The following MS4A10 variants were observed in gnomAD, a reference collection of about 807,000 sequenced individuals.
MS4A10 encodes membrane-spanning 4-domains subfamily A member 10.
Under a neutral mutation model 27.7 loss-of-function variants are expected in MS4A10, and 27 were observed. The ratio of observed to expected loss-of-function variants is 0.98; its 90% CI spans 0.72 to 1.35. MS4A10 has a LOEUF of 1.35. Ranked by LOEUF, MS4A10 falls within the 40% of genes most tolerant of loss-of-function variation. The pLI, the probability that MS4A10 is intolerant of heterozygous loss-of-function variation, is 0.00. For missense variants in MS4A10, 338 were observed against 324.7 expected (o/e 1.04, Z -0.32); for synonymous variants, 139 against 131.2 (o/e 1.06, Z -0.41).
intron 5 of MS4A10, among the ~76,000 whole-genome samples, chr11:60,795,071 C>A (rs755592610): frequency 6.6e-6 from 1 of 152,116 alleles, no homozygotes; most frequent in African/African-American, 2.4e-5. Context: ...CATGCATGTG[C>A]GAGCATGCAT....
intron 1 of MS4A10, among the ~76,000 whole-genome samples, chr11:60,787,615 A>G (rs1370719316): frequency 6.6e-6 from 1 of 152,226 alleles, no homozygotes; most frequent in Admixed American, 6.5e-5. Context: ...AGAAAAGGCC[A>G]AAAACCAGAG....
At chr11:60,795,694 G>C in intron 6 of MS4A10, 29 bp downstream of exon 6, 1 of 1,444,872 alleles carries the variant, frequency 6.9e-7, no homozygotes, top group South Asian at 1.4e-5. Flanking sequence ...TTCCCAGGAA[G>C]ACAAAAAATG....
intron 3 of MS4A10, among the ~76,000 whole-genome samples, chr11:60,791,527 G>A (rs1854430782): frequency 6.6e-6 from 1 of 152,184 alleles, no homozygotes; most frequent in Non-Finnish European, 1.5e-5. Flanking sequence ...CATCAGCCAG[G>A]ATGGGAGATG....
rs771094536 is a variant in MS4A10, at chr11:60,799,936, C to A, written c.*27C>A. On this transcript the variant is annotated 3_prime_UTR_variant, in exon 8 of 8. Transcript: ENST00000308287. The stretch of plus-strand genomic sequence containing the variant: ...GAGCCACTGCCTGACAATGCCCAAA[C>A]TTGGTTGGAGCATAGCCCCTGCTCT... 3 of 1,614,142 alleles carry A rather than the reference C, an allele frequency of 1.9e-6. No homozygotes were observed. The highest frequency in any genetic ancestry group is 2.5e-6 in the Non-Finnish European group (3 of 1,180,022).
At chr11:60,793,859 C>T (rs1175282574) in intron 4 of MS4A10, 113 bp from the exon 5 acceptor site, 4 of 1,234,656 alleles carry the variant, frequency 3.2e-6, no homozygotes, top group African/African-American at 1.5e-5. Flanking sequence ...GGCCCAGTGA[C>T]AGGCAGAGTC....
chr11:60,800,052 CCTGG>C lies in MS4A10; in HGVS notation c.*144_*147del. The stretch of plus-strand genomic sequence containing the variant: ...TACAGCAAAGTCAGCCCTCACAGCT[CCTGG>C]GAACGCTGTCCTCTCAGATAAGCCA... On this transcript the variant is annotated 3_prime_UTR_variant, in exon 8 of 8. Transcript: ENST00000308287. 4.8e-6 allele frequency: 6 copies of C among 1,247,912 alleles called. No homozygotes were observed. The highest frequency in any genetic ancestry group is 6.7e-6 in the Non-Finnish European group (6 of 891,076). The allele number at this position is 1,247,912 out of a possible 1,614,324, so 77.3% of individuals were successfully genotyped here. A position where few individuals can be genotyped will look rare whatever the true frequency, so the allele number is the denominator to read the frequency against.
chr11:60,798,788 C>T lies in MS4A10; in HGVS notation c.722+274C>T, dbSNP rs74369228. 4.9e-3 allele frequency among the ~76,000 whole-genome samples: 748 copies of T among 152,354 alleles called. 8 individuals are homozygous for T. Among genetic ancestry groups the T allele is most frequent in the African/African-American group, 0.017 (714 of 41,570 alleles). ...CAGCTGAACCTGGGCGCAACCAGGA[C>T]CCATCGCCTTCCCTGCCAGCCTCCA... is the stretch of plus-strand genomic sequence containing the variant. On this transcript the variant is annotated intron_variant, in intron 7 of 7. Transcript: ENST00000308287.
chr11:60,789,213 C>T lies in MS4A10; in HGVS notation c.-22-1101C>T, dbSNP rs1001352179. 9.8e-5 allele frequency among the ~76,000 whole-genome samples: 15 copies of T among 152,334 alleles called. 1 individual carries two copies. Among genetic ancestry groups the T allele is most frequent in the South Asian group, 4.1e-4 (2 of 4,828 alleles). ...AGAGGAATGGCCCTCCCTTTTCATT[C>T]ATCCAGGATACAGTCTGAGAGCAGC... On this transcript the variant is annotated intron_variant, in intron 1 of 7. Transcript: ENST00000308287.
At chr11:60,798,090 C>T (rs1420119269) in intron 6 of MS4A10, among the ~76,000 whole-genome samples, 1 of 152,236 alleles carries the variant, frequency 6.6e-6, no homozygotes, top group Non-Finnish European at 1.5e-5. Context: ...ATGGCCCAGC[C>T]CCCCTCAGGA....
rs936821177 is a variant in MS4A10 at position 60,789,022 on chromosome 11, C to T, written c.-22-1292C>T. Among the ~76,000 whole-genome samples, 61 of 152,246 alleles carry T rather than the reference C, an allele frequency of 4.0e-4. 1 individual carries two copies. Among genetic ancestry groups the T allele is most frequent in the African/African-American group, 1.4e-3 (59 of 41,470 alleles). On this transcript the variant is annotated intron_variant, in intron 1 of 7. Coordinates refer to ENST00000308287, the MANE Select transcript of MS4A10 (RefSeq NM_206893.4). The stretch of plus-strand genomic sequence containing the variant: ...CCCAACTGTGAGGCCCCATCTGGCT[C>T]TTTGGCTCTTGATAATGTCCCTTCC...
At chr11:60,792,115 A>G (rs1854440799) in intron 3 of MS4A10, 150 bp from the exon 4 acceptor site, 1 of 665,728 alleles carries the variant, frequency 1.5e-6, no homozygotes, top group Non-Finnish European at 2.7e-6. Flanking sequence ...CATGGCAGGC[A>G]AGAGGAGCTC....
In MS4A10 at chr11:60,798,427, C is replaced by T; in HGVS notation, c.635C>T (p.Pro212Leu). 1 of 1,614,062 alleles carries T rather than the reference C, an allele frequency of 6.2e-7. No individual in the cohort carries two copies. Among genetic ancestry groups the T allele is most frequent in the Non-Finnish European group, 8.5e-7 (1 of 1,179,964 alleles). Residue 212 changes from proline (P) to leucine (L), a missense_variant, in exon 7 of 8, where the codon CCA becomes CTA. Coordinates refer to ENST00000308287, the MANE Select transcript of MS4A10 (RefSeq NM_206893.4). ...GATGCATGCCTTGTTCCGAATACAC[C>T]ATTGCATCTCAAAGGCCTGCCGGTG... is the stretch of plus-strand genomic sequence containing the variant. ...NDDACLVPNTPLHLKGLPVEP... is the reference protein window; with the variant it reads ...NDDACLVPNTLLHLKGLPVEP...
intron 1 of MS4A10, 121 bp from the exon 2 acceptor site, chr11:60,790,193 C>T (rs1351869214): frequency 2.5e-6 from 2 of 803,698 alleles, no homozygotes; most frequent in African/African-American, 1.7e-5. Flanking sequence ...GGCTGCCAGA[C>T]AGGGCAACCA....
chr11:60,796,928 C>T (rs1394731726), intron 6 of MS4A10, among the ~76,000 whole-genome samples: 1 of 152,164 alleles, frequency 6.6e-6, no homozygotes, highest in Non-Finnish European at 1.5e-5. Flanking sequence ...ATATTACAAT[C>T]TCAACTTTAG....
intron 6 of MS4A10, 145 bp downstream of exon 6, chr11:60,795,810 C>T: frequency 6.1e-6 from 3 of 489,174 alleles, no homozygotes; most frequent in Admixed American, 4.3e-5. Flanking sequence ...TAAGTGACAG[C>T]CCACGATCCA....
In MS4A10 at chr11:60,795,668, A is replaced by G; in HGVS notation, c.603+3A>G. ...GAGGGGACTGCCCATCTGCAAAGGT[A>G]AGACAAGGGCTTGTCTTCCCAGGAA... On this transcript the variant is annotated splice_donor_region_variant and intron_variant, in intron 6 of 7. Coordinates refer to ENST00000308287, the MANE Select transcript of MS4A10 (RefSeq NM_206893.4). 1 of 1,556,426 alleles carries G rather than the reference A, an allele frequency of 6.4e-7. No homozygotes were observed.
chr11:60,797,834 A>C (rs1854554947), intron 6 of MS4A10, among the ~76,000 whole-genome samples: 1 of 152,194 alleles, frequency 6.6e-6, no homozygotes, highest in Non-Finnish European at 1.5e-5. Flanking sequence ...AGAGGAAAAA[A>C]TGAACCTTAG....
chr11:60,798,688 C>T (rs1276687966), intron 7 of MS4A10, among the ~76,000 whole-genome samples, 174 bp downstream of exon 7: 1 of 152,228 alleles, frequency 6.6e-6, no homozygotes, highest in Non-Finnish European at 1.5e-5. Flanking sequence ...TGGTCCTATC[C>T]CCTCAGGCAC....
chr11:60,799,496 A>G (rs1433028718), intron 7 of MS4A10, among the ~76,000 whole-genome samples: 1 of 152,214 alleles, frequency 6.6e-6, no homozygotes, highest in Non-Finnish European at 1.5e-5. Context: ...AACCCCAAAA[A>G]TAACAAACAT....
Sources: gnomAD v4.1 joint callset for allele counts (sites outside exome capture counted in the v4.1 genomes callset) on GRCh38, gnomAD v4.1.1 for gene constraint, MANE v1.5 for transcripts, NCBI Gene and HGNC (gene_info 2026-07-23, HGNC 2026-07-21) for gene names.